Variants in PARPBP observed in about 807,000 individuals in gnomAD.
The protein encoded by PARPBP is PCNA-interacting partner.
Under a neutral mutation model 50.0 loss-of-function variants are expected in PARPBP, and 52 were observed. The observed-to-expected ratio is 1.04, with a 90% CI of 0.83 to 1.31. PARPBP has a LOEUF of 1.31. Ranked by LOEUF, PARPBP falls within the 50% of genes most tolerant of loss-of-function variation. The pLI is 0.00. For synonymous variants in PARPBP, 244 were observed against 232.1 expected (o/e 1.05, Z -0.47); for missense variants, 697 against 672.0 (o/e 1.04, Z -0.41).
At chr12:102,151,550 CCTT>C (rs1191409742) in intron 3 of PARPBP, 2 of 1,522,598 alleles carry the variant, frequency 1.3e-6, no homozygotes, top group Non-Finnish European at 1.8e-6. Flanking sequence ...CTTTTTAGGA[CCTT>C]CTGATCTACC....
Position 102,196,735 on chromosome 12 carries a change from G to A in PARPBP, c.*444G>A. The A allele has an allele frequency of 6.6e-7, 1 of 1,513,732 alleles. No individual in the cohort carries two copies. Among genetic ancestry groups the A allele is most frequent in the Non-Finnish European group, 9.2e-7 (1 of 1,091,814 alleles). The allele number at this position is 1,513,732 out of a possible 1,614,324, so 93.8% of individuals were successfully genotyped here. ...AGAAGAAAGTTTAAATTGTTTAAAG[G>A]ACTATAATTATCACACAAAATTTAT... On this transcript the variant is annotated 3_prime_UTR_variant, in exon 11 of 11. Coordinates refer to ENST00000327680, the MANE Select transcript of PARPBP (RefSeq NM_017915.5).
chr12:102,162,563 G>C (rs1471749652), intron 4 of PARPBP, among the ~76,000 whole-genome samples: 1 of 152,226 alleles, frequency 6.6e-6, no homozygotes, highest in Non-Finnish European at 1.5e-5. Flanking sequence ...GCTCACACCT[G>C]TATTCCCAGC....
rs1565910208 is a variant in PARPBP, at chr12:102,196,049, A to G, written c.1498A>G (p.Thr500Ala). Residue 500 changes from threonine to alanine, a missense_variant, in exon 11 of 11, where the codon ACC becomes GCC. Physicochemically the swap from Thr to Ala is moderately conservative, Grantham distance 58. Coordinates refer to ENST00000327680, the MANE Select transcript of PARPBP (RefSeq NM_017915.5). The part of the protein sequence containing the change: ...SKNEKVSRKS[T>A]SQTGNKSSKR... ...AAATGAAAAAGTATCAAGAAAATCAACCAGTCAGACAGGAAATAAAAGCTC... is the reference window on the plus strand; with the variant it reads ...AAATGAAAAAGTATCAAGAAAATCAGCCAGTCAGACAGGAAATAAAAGCTC... 2.5e-6 allele frequency: 4 copies of G among 1,611,646 alleles called. No homozygotes were observed. The highest frequency in any genetic ancestry group is 3.3e-5 in the Admixed American group (2 of 59,746).
chr12:102,147,938 G>A (rs1280646777), intron 2 of PARPBP, among the ~76,000 whole-genome samples: 3 of 152,080 alleles, frequency 2.0e-5, no homozygotes, highest in Non-Finnish European at 4.4e-5. Flanking sequence ...ATTTTGGGTA[G>A]AAGAAATTTG....
rs573217386 is a variant in PARPBP at position 102,142,239 on chromosome 12, TCTTCAATCACTGATACC to T, written c.154-5987_154-5971del. Among the ~76,000 whole-genome samples, 24 of 152,338 alleles carry T rather than the reference TCTTCAATCACTGATACC, an allele frequency of 1.6e-4. No individual in the cohort carries two copies. The East Asian group carries it at 3.5e-3, about 22-fold the overall frequency. ...TTCTCGCTTCATTTCATTAATTTGA[TCTTCAATCACTGATACC>T]CTTTCTTCCACTTGATGAATCAGCC... On this transcript the variant is annotated intron_variant, in intron 2 of 10. Coordinates refer to ENST00000327680, the MANE Select transcript of PARPBP (RefSeq NM_017915.5).
chr12:102,155,481 G>T (rs1229540898), intron 4 of PARPBP, among the ~76,000 whole-genome samples: 50 of 151,288 alleles, frequency 3.3e-4, no homozygotes, highest in Admixed American at 3.2e-3. Context: ...CAAGTGGCTT[G>T]CAACTTAGCT....
At chr12:102,166,971 A>T (rs538662816) in intron 6 of PARPBP, among the ~76,000 whole-genome samples, 5 of 152,272 alleles carry the variant, frequency 3.3e-5, no homozygotes, top group Admixed American at 6.5e-5. Flanking sequence ...TTTTTAAAAA[A>T]TTTTTTGTAA....
chr12:102,137,973 G>A (rs999130798), intron 2 of PARPBP, among the ~76,000 whole-genome samples: 6 of 152,106 alleles, frequency 3.9e-5, no homozygotes, highest in African/African-American at 1.2e-4. Flanking sequence ...ATACGTGTGC[G>A]TGTGTCTTCG....
At chr12:102,173,264 C>T (rs960648355) in intron 6 of PARPBP, among the ~76,000 whole-genome samples, 1 of 152,106 alleles carries the variant, frequency 6.6e-6, no homozygotes, top group African/African-American at 2.4e-5. Flanking sequence ...AAGGGCTTTA[C>T]TTTGACAAAA....
In PARPBP at chr12:102,196,887, T is replaced by G; in HGVS notation, c.*596T>G. ...GAGCCATGGTCTTATTTGATTTTGTTATGATTGCATCCAAATTCACTTTAA... is the reference window on the plus strand; with the variant it reads ...GAGCCATGGTCTTATTTGATTTTGTGATGATTGCATCCAAATTCACTTTAA... On this transcript the variant is annotated 3_prime_UTR_variant, in exon 11 of 11. Transcript: ENST00000327680. 8.2e-7 allele frequency: 1 copy of G among 1,218,346 alleles called. No homozygotes were observed. Among genetic ancestry groups the G allele is most frequent in the Non-Finnish European group, 1.2e-6 (1 of 844,186 alleles). 75.5% of individuals were successfully genotyped at this position (1,218,346 alleles called of 1,614,324 possible).
At position 102,165,856 on chromosome 12, in the gene PARPBP, A is replaced by G; in HGVS notation, c.794A>G (p.Glu265Gly). 6.4e-7 allele frequency: 1 copy of G among 1,565,532 alleles called. No individual in the cohort carries two copies. Among genetic ancestry groups the G allele is most frequent in the Non-Finnish European group, 8.8e-7 (1 of 1,140,004 alleles). Residue 265 changes from glutamate to glycine, a missense_variant, in exon 6 of 11, where the codon GAG becomes GGG. Transcript: ENST00000327680. ...NFINFIDKLD[E>G]ILGEIPNPSI... ...ATTAATTTCATTGACAAATTAGATG[A>G]GATTCTTGGAGAAATACCAAACCCA...
chr12:102,186,253 C>CA (rs1890293105), intron 9 of PARPBP, among the ~76,000 whole-genome samples: 1 of 151,796 alleles, frequency 6.6e-6, no homozygotes, highest in Non-Finnish European at 1.5e-5. Context: ...TTTATCTTAT[C>CA]AAAAAATTAA....
intron 6 of PARPBP, among the ~76,000 whole-genome samples, chr12:102,168,836 T>G (rs576366653): frequency 6.6e-6 from 1 of 152,196 alleles, no homozygotes; most frequent in Non-Finnish European, 1.5e-5. Context: ...TTACTAGTAC[T>G]TTAGCCACAT....
intron 6 of PARPBP, among the ~76,000 whole-genome samples, chr12:102,171,738 G>C (rs949742607): frequency 6.6e-6 from 1 of 151,818 alleles, no homozygotes; most frequent in African/African-American, 2.4e-5. Flanking sequence ...TGGTGGTGGC[G>C]GGCGCCTGTA....
Position 102,124,879 on chromosome 12 carries a change from C to G in PARPBP, c.153+838C>G, listed in dbSNP as rs565439189. ...TTTCTAAAAAATTATTAGACACTGA[C>G]AGATTTTAACCATTTCTCATTTTTG... On this transcript the variant is annotated intron_variant, in intron 2 of 10. Transcript: ENST00000327680. 2.0e-5 allele frequency among the ~76,000 whole-genome samples: 3 copies of G among 152,216 alleles called. No individual in the cohort carries two copies. In the South Asian group the frequency reaches 6.2e-4, roughly 32 times the overall value.
At chr12:102,190,163 G>T (rs889567913) in intron 9 of PARPBP, among the ~76,000 whole-genome samples, 1 of 152,062 alleles carries the variant, frequency 6.6e-6, no homozygotes, top group East Asian at 1.9e-4. Context: ...TACAATTATC[G>T]TGTGGTTACC....
intron 4 of PARPBP, 52 bp downstream of exon 4, chr12:102,154,028 A>G (rs1443116040): frequency 9.1e-7 from 1 of 1,097,582 alleles, no homozygotes; most frequent in Non-Finnish European, 1.4e-6. Context: ...CTTTCAAATC[A>G]CTGAATTTGG....
In PARPBP at chr12:102,164,255, A is replaced by G. The variant is rs116742124; in HGVS notation, c.496-183A>G. Among the ~76,000 whole-genome samples the G allele has an allele frequency of 7.1e-3, 1,080 of 152,116 alleles. 13 individuals carry two copies. Among genetic ancestry groups the G allele is most frequent in the African/African-American group, 0.024 (1,016 of 41,498 alleles). The stretch of plus-strand genomic sequence containing the variant: ...CTGCCAAATTTGGTAGTCAGTCAAG[A>G]ATTTGGGGAGAGATGGAGTTTATTG... On this transcript the variant is annotated intron_variant, in intron 4 of 10. Coordinates refer to ENST00000327680, the MANE Select transcript of PARPBP (RefSeq NM_017915.5).
At chr12:102,144,164 A>G (rs968483242) in intron 2 of PARPBP, among the ~76,000 whole-genome samples, 4 of 152,232 alleles carry the variant, frequency 2.6e-5, no homozygotes, top group Admixed American at 2.6e-4. Context: ...AAGTAGACCT[A>G]TCTTTTCTTT....
Sources: gnomAD v4.1 joint callset for allele counts (sites outside exome capture counted in the v4.1 genomes callset) on GRCh38, gnomAD v4.1.1 for gene constraint, MANE v1.5 for transcripts, NCBI Gene and HGNC (gene_info 2026-07-23, HGNC 2026-07-21) for gene names.